The following FAT1 variants were observed in gnomAD, a reference collection of about 807,000 sequenced individuals.
FAT1 encodes the protein protocadherin Fat 1.
In FAT1, 171 loss-of-function variants were observed where a neutral mutation model predicts 329.8. The observed-to-expected ratio is 0.52, with a 90% CI of 0.46 to 0.59. FAT1 has a LOEUF of 0.59. Ranked by LOEUF, FAT1 falls within the 20% of genes least tolerant of loss-of-function variation. The pLI is 0.00. For synonymous variants in FAT1, 2,233 were observed against 2,228.6 expected, an observed-to-expected ratio of 1.00 and a Z score of -0.06; for missense variants, 5,672 against 5,774.4, an observed-to-expected ratio of 0.98 and a Z score of 0.57.
At chr4:186,680,026 T>C (rs1743139004) in intron 2 of FAT1, among the ~76,000 whole-genome samples, 1 of 152,220 alleles carries the variant, frequency 6.6e-6, no homozygotes, top group Non-Finnish European at 1.5e-5. Flanking sequence ...TAGAAGACCA[T>C]GAGTGTCTTC....
In FAT1 at chr4:186,604,358, C is replaced by T. The variant is rs1373932235; in HGVS notation, c.10548+19G>A. On this transcript the variant is annotated intron_variant, in intron 18 of 26. Coordinates refer to ENST00000441802, the MANE Select transcript of FAT1 (RefSeq NM_005245.4). Reference sequence around the variant, plus strand: ...TCTCTATGAATCCACAACCAAACCACAAAGAAAGCCATTCATACCTTCACC... The same window carrying T: ...TCTCTATGAATCCACAACCAAACCATAAAGAAAGCCATTCATACCTTCACC... 1 of 1,600,560 alleles carries T rather than the reference C, an allele frequency of 6.2e-7. No individual in the cohort carries two copies. Among genetic ancestry groups the T allele is most frequent in the Admixed American group, 1.7e-5 (1 of 58,758 alleles).
chr4:186,610,669 ATTT>A (rs1211535743), intron 14 of FAT1, among the ~76,000 whole-genome samples: 2 of 67,886 alleles, frequency 2.9e-5, no homozygotes, highest in African/African-American at 8.1e-5. Flanking sequence ...AAATTATATA[ATTT>A]ATATAAATAT....
intron 2 of FAT1, among the ~76,000 whole-genome samples, chr4:186,701,605 C>A (rs1430226143): frequency 6.6e-6 from 1 of 152,174 alleles, no homozygotes; most frequent in African/African-American, 2.4e-5. Flanking sequence ...CCACAGCAGG[C>A]CAGGCTTCCA....
rs772729307 is a variant in FAT1, at chr4:186,708,271, C to G, written c.1557G>C (p.Val519=). 1 of 1,613,976 alleles carries G rather than the reference C, an allele frequency of 6.2e-7. No homozygotes were observed. Residue 519 remains valine (V), a synonymous_variant, in exon 2 of 27, where the codon GTG becomes GTC. Coordinates refer to ENST00000441802, the MANE Select transcript of FAT1 (RefSeq NM_005245.4). ...CGTAGTCCAGGTTTTCTGACGTACT[C>G]ACGGCACCAGTGAAATGGTCAATCG... is the stretch of plus-strand genomic sequence containing the variant. The part of the protein sequence containing the change: ...PFAIDHFTGA[V]STSENLDYEL...
At chr4:186,614,384 A>C in intron 11 of FAT1, 40 bp from the exon 12 acceptor site, 1 of 1,351,616 alleles carries the variant, frequency 7.4e-7, no homozygotes, top group Non-Finnish European at 9.9e-7. Flanking sequence ...TAAAAGCATT[A>C]ACAGGCAGCA....
At chr4:186,635,999 C>T (rs1560955235) in intron 6 of FAT1, 26 bp downstream of exon 6, 1 of 1,609,034 alleles carries the variant, frequency 6.2e-7, no homozygotes, top group Non-Finnish European at 8.5e-7. Flanking sequence ...CCCATACGGA[C>T]AACGAAAATG....
Position 186,621,490 on chromosome 4 carries a change from T to A in FAT1, c.5096A>T (p.Tyr1699Phe). Reference protein sequence around the residue: ...VTAHSQSSVVYEIKDGNTGDA... With the variant: ...VTAHSQSSVVFEIKDGNTGDA... ...ACCTGTATTTCCATCTTTTATTTCA[T>A]ACACCACTGATGATTGACTATGGGC... is the stretch of plus-strand genomic sequence containing the variant. Residue 1699 changes from tyrosine to phenylalanine, a missense_variant, in exon 10 of 27, where the codon TAT (tyrosine) becomes TTT (phenylalanine). Coordinates refer to ENST00000441802, the MANE Select transcript of FAT1 (RefSeq NM_005245.4). 6.2e-7 allele frequency: 1 copy of A among 1,614,058 alleles called. No individual in the cohort carries two copies. The highest frequency in any genetic ancestry group is 1.1e-5 in the South Asian group (1 of 91,086).
intron 2 of FAT1, among the ~76,000 whole-genome samples, chr4:186,688,644 A>ACACC (rs1743597093): frequency 1.6e-5 from 2 of 123,460 alleles, no homozygotes; most frequent in Non-Finnish European, 1.6e-5. Context: ...CAGCAAGAGT[A>ACACC]CCCCCCCCGC....
intron 2 of FAT1, among the ~76,000 whole-genome samples, chr4:186,669,415 A>G (rs1480036458): frequency 6.6e-6 from 1 of 152,208 alleles, no homozygotes; most frequent in East Asian, 1.9e-4. Context: ...AGGTTGAGAC[A>G]CGCTTGTTAC....
chr4:186,646,318 C>T (rs977671547), intron 3 of FAT1, among the ~76,000 whole-genome samples: 1 of 152,130 alleles, frequency 6.6e-6, no homozygotes, highest in Admixed American at 6.5e-5. Context: ...TTTCCTCTAC[C>T]CCCTGCAATG....
At chr4:186,684,400 G>C (rs1743367443) in intron 2 of FAT1, among the ~76,000 whole-genome samples, 3 of 152,130 alleles carry the variant, frequency 2.0e-5, no homozygotes, top group Admixed American at 6.6e-5. Flanking sequence ...ATCTGCGAGG[G>C]GCTGAAGGTA....
chr4:186,655,266 A>G (rs760397185), intron 3 of FAT1, among the ~76,000 whole-genome samples: 1 of 152,202 alleles, frequency 6.6e-6, no homozygotes, highest in Non-Finnish European at 1.5e-5. Context: ...TCATAAATAA[A>G]TTTCTTTCTT....
chr4:186,665,358 T>C (rs1742386450), intron 2 of FAT1, among the ~76,000 whole-genome samples: 1 of 152,180 alleles, frequency 6.6e-6, no homozygotes, highest in Non-Finnish European at 1.5e-5. Flanking sequence ...CAGCACCTGT[T>C]GTTTCCTGAC....
intron 26 of FAT1, among the ~76,000 whole-genome samples, chr4:186,594,116 A>T: frequency 6.6e-6 from 1 of 151,794 alleles, no homozygotes; most frequent in Non-Finnish European, 1.5e-5. Context: ...CCCAGGCTGG[A>T]GTGCAGTGGC....
Position 186,614,065 on chromosome 4 carries a change from C to T in FAT1, c.9229+126G>A, listed in dbSNP as rs9991886. 53,633 of 732,788 alleles carry T rather than the reference C, an allele frequency of 0.073. 2,179 individuals are homozygous for T. Among genetic ancestry groups the T allele is most frequent in the African/African-American group, 0.13 (6,863 of 54,036 alleles). The allele number at this position is 732,788 out of a possible 1,614,324, so 45.4% of individuals were successfully genotyped here. ...TAAGATTTCTAAGAGATGTCAACTT[C>T]GGAGCATCAGAATACATTTGAAAAG... On this transcript the variant is annotated intron_variant, in intron 12 of 26. Coordinates refer to ENST00000441802, the MANE Select transcript of FAT1 (RefSeq NM_005245.4).
At chr4:186,590,297 T>C (rs888943417) in intron 26 of FAT1, 5 of 989,736 alleles carry the variant, frequency 5.1e-6, no homozygotes, top group African/African-American at 5.0e-5. Flanking sequence ...GCGTAGTCAG[T>C]CAGCACTGGG....
At chr4:186,653,492 A>G (rs1217844127) in intron 3 of FAT1, among the ~76,000 whole-genome samples, 1 of 152,186 alleles carries the variant, frequency 6.6e-6, no homozygotes, top group African/African-American at 2.4e-5. Context: ...TCAGAAATAT[A>G]AAAGTCTATC....
intron 1 of FAT1, among the ~76,000 whole-genome samples, chr4:186,722,940 T>A (rs1036718838): frequency 2.6e-5 from 4 of 152,256 alleles, no homozygotes; most frequent in Admixed American, 6.5e-5. Context: ...GAGTTTACTT[T>A]CCTAACTCAT....
rs58123430 is a variant in FAT1 at position 186,614,151 on chromosome 4, T to C, written c.9229+40A>G. 1.1e-3 allele frequency: 1,745 copies of C among 1,542,546 alleles called. 22 individuals are homozygous for C. The African/African-American group carries it at 0.021, about 19-fold the overall frequency. On this transcript the variant is annotated intron_variant, in intron 12 of 26. Transcript: ENST00000441802. ...AAATCACCCACATATATGATACTGT[T>C]GGAATATACAATTTATTTTGTCCCA...
Sources: gnomAD v4.1 joint callset for allele counts (sites outside exome capture counted in the v4.1 genomes callset) on GRCh38, gnomAD v4.1.1 for gene constraint, MANE v1.5 for transcripts, NCBI Gene and HGNC (gene_info 2026-07-23, HGNC 2026-07-21) for gene names.